PFKP: variants seen among roughly 807,000 people sequenced by gnomAD.
PFKP encodes ATP-dependent 6-phosphofructokinase, platelet type.
A neutral mutation model predicts 94.3 loss-of-function variants in PFKP; 101 were observed. The observed-to-expected ratio is 1.07, with a 90% CI of 0.91 to 1.26. PFKP has a LOEUF of 1.26. Among genes scored for constraint, PFKP ranks in the 50% most tolerant of loss-of-function variants. The pLI is 0.00. For missense variants in PFKP, 1,145 were observed against 1,103.3 expected (o/e 1.04, Z -0.53); for synonymous variants, 573 against 432.6 (o/e 1.32, Z -4.03).
chr10:3,113,575 C>T (rs767918017), intron 13 of PFKP, 57 bp downstream of exon 13: 59 of 1,536,162 alleles, frequency 3.8e-5, no homozygotes, highest in East Asian at 1.4e-4. Flanking sequence ...GCACAGTGGA[C>T]GTGGCGGCGG....
At chr10:3,092,379 G>A (rs183511795) in intron 2 of PFKP, among the ~76,000 whole-genome samples, 2 of 152,330 alleles carry the variant, frequency 1.3e-5, no homozygotes, top group African/African-American at 4.8e-5. Context: ...AGGCTGGGAA[G>A]GGGGTGTGGA....
At chr10:3,090,662 C>A (rs955077417) in intron 2 of PFKP, among the ~76,000 whole-genome samples, 11 of 151,962 alleles carry the variant, frequency 7.2e-5, no homozygotes, top group African/African-American at 2.2e-4. Flanking sequence ...GGTCCTTTGA[C>A]TCTCAGGATG....
At chr10:3,100,277 G>A (rs1834870537) in intron 3 of PFKP, among the ~76,000 whole-genome samples, 2 of 152,002 alleles carry the variant, frequency 1.3e-5, no homozygotes. Context: ...GAGCACCCCT[G>A]CCCTGCTCTG....
intron 10 of PFKP, among the ~76,000 whole-genome samples, chr10:3,112,000 C>T (rs1024780525): frequency 3.3e-5 from 5 of 152,214 alleles, no homozygotes; most frequent in Admixed American, 3.3e-4. Context: ...TAAGCAGTCC[C>T]AGGGCTCTGA....
chr10:3,119,834 G>GA lies in PFKP; in HGVS notation c.1531-57dup, dbSNP rs978852145. On this transcript the variant is annotated intron_variant, in intron 15 of 21. Coordinates refer to ENST00000381125, the MANE Select transcript of PFKP (RefSeq NM_002627.5). ...GGTGGCGCTCCCAGCCTCTCCCAGC[G>GA]AGACCCTCTCCTCCCCAGCTTCCCT... The GA allele has an allele frequency of 1.7e-5, 26 of 1,568,656 alleles. No homozygotes were observed. The African/African-American group carries it at 3.5e-4, about 21-fold the overall frequency.
rs778705665 is a variant in PFKP, at chr10:3,067,572, G to T, written c.-24G>T. 7.5e-7 allele frequency: 1 copy of T among 1,327,716 alleles called. No individual in the cohort carries two copies. 82.2% of individuals were successfully genotyped at this position (1,327,716 alleles called of 1,614,324 possible). A position where few individuals can be genotyped will look rare whatever the true frequency, so the allele number is the denominator to read the frequency against. ...CATTGCCTGCTGCGCACCCGGACGT[G>T]CGGCTCCCCTCGGCCTCCTCGCCAT... On this transcript the variant is annotated 5_prime_UTR_variant, in exon 1 of 22. Transcript: ENST00000381125.
chr10:3,111,822 G>A (rs777704042), intron 10 of PFKP, among the ~76,000 whole-genome samples: 5 of 152,102 alleles, frequency 3.3e-5, no homozygotes, highest in Non-Finnish European at 5.9e-5. Flanking sequence ...GTGAGCTGGT[G>A]TGTTCTGTTT....
intron 10 of PFKP, among the ~76,000 whole-genome samples, chr10:3,110,934 TTG>T (rs1344005260): frequency 6.6e-6 from 1 of 150,990 alleles, no homozygotes; most frequent in African/African-American, 2.4e-5. Context: ...GTGCATGTTT[TTG>T]TGAGGTAGTG....
At chr10:3,093,444 G>A (rs963995580) in intron 2 of PFKP, among the ~76,000 whole-genome samples, 3 of 152,086 alleles carry the variant, frequency 2.0e-5, no homozygotes, top group African/African-American at 4.8e-5. Flanking sequence ...AGCTGTTCCC[G>A]ACCTGACTCT....
intron 1 of PFKP, among the ~76,000 whole-genome samples, chr10:3,080,626 C>T (rs973254064): frequency 6.6e-6 from 1 of 152,056 alleles, no homozygotes; most frequent in Non-Finnish European, 1.5e-5. Context: ...TCGCACAGCC[C>T]AACAGCAAGG....
intron 8 of PFKP, chr10:3,108,073 A>G: frequency 1.7e-6 from 2 of 1,190,660 alleles, no homozygotes; most frequent in Non-Finnish European, 2.2e-6. Flanking sequence ...GACATCTGCC[A>G]ATATTTATAA....
chr10:3,085,912 A>G (rs12571307), intron 2 of PFKP, among the ~76,000 whole-genome samples: 148,390 of 148,402 alleles, frequency 1, 74,189 homozygotes, highest in Middle Eastern at 1. Flanking sequence ...CCTGACGAAG[A>G]CCAGCTTAGT....
chr10:3,083,873 C>A (rs549259473), intron 2 of PFKP, among the ~76,000 whole-genome samples: 2 of 152,262 alleles, frequency 1.3e-5, no homozygotes, highest in South Asian at 4.1e-4. Flanking sequence ...GAACTCCTGA[C>A]CTCAGGTGAT....
At chr10:3,114,385 G>A (rs974299559) in intron 13 of PFKP, among the ~76,000 whole-genome samples, 27 of 152,174 alleles carry the variant, frequency 1.8e-4, no homozygotes, top group African/African-American at 6.5e-4. Flanking sequence ...CCTGACCTCA[G>A]GTGACCCACC....
intron 16 of PFKP, among the ~76,000 whole-genome samples, chr10:3,123,969 T>C (rs9423476): frequency 0.52 from 77,625 of 150,138 alleles, 20,167 homozygotes; most frequent in South Asian, 0.62. Flanking sequence ...ACTGACCCCG[T>C]TCACAGCTCG....
rs1329884849 is a variant in PFKP, at chr10:3,101,437, A to T, written c.337A>T (p.Asn113Tyr). The change falls in exon 4 of 22, where the codon AAC (asparagine) becomes TAC (tyrosine). Residue 113 changes from asparagine to tyrosine, a missense_variant. Physicochemically the swap from Asn to Tyr is moderately radical, Grantham distance 143 (BLOSUM62 -2). Coordinates refer to ENST00000381125, the MANE Select transcript of PFKP (RefSeq NM_002627.5). ...GGAAGGCCGCCTGAAGGCTGCTTGC[A>T]ACCTGCTGCAGCGCGGCATCACCAA... ...TREGRLKAAC[N>Y]LLQRGITNLC... is the part of the protein sequence containing the mutation. 1.9e-6 allele frequency: 3 copies of T among 1,609,540 alleles called. No homozygotes were observed. The highest frequency in any genetic ancestry group is 2.5e-6 in the Non-Finnish European group (3 of 1,178,490).
intron 16 of PFKP, chr10:3,125,041 G>A: frequency 8.7e-7 from 1 of 1,156,040 alleles, no homozygotes; most frequent in Non-Finnish European, 1.1e-6. Context: ...ACAGGCCCTG[G>A]GGCTGGCAGG....
At chr10:3,098,999 C>T (rs1834736193) in intron 2 of PFKP, among the ~76,000 whole-genome samples, 1 of 152,164 alleles carries the variant, frequency 6.6e-6, no homozygotes. Context: ...CCCTTTCAAC[C>T]TCTCGGGAAA....
intron 16 of PFKP, among the ~76,000 whole-genome samples, chr10:3,121,309 G>A (rs532766569): frequency 2.2e-4 from 33 of 152,296 alleles, no homozygotes; most frequent in Non-Finnish European, 4.3e-4. Flanking sequence ...GGGCTGGCCC[G>A]GCTCTGGACC....
Sources: allele counts gnomAD v4.1 joint callset (sites outside exome capture counted in the v4.1 genomes callset), GRCh38; gene constraint gnomAD v4.1.1; transcripts MANE v1.5; gene names NCBI Gene and HGNC (gene_info 2026-07-23, HGNC 2026-07-21).